PTAFR: variants seen among roughly 807,000 people sequenced by gnomAD.
The protein encoded by PTAFR is platelet-activating factor receptor.
Under a neutral mutation model 14.7 loss-of-function variants are expected in PTAFR, and 8 were observed. The ratio of observed to expected loss-of-function variants is 0.54; its 90% CI spans 0.32 to 0.98. The LOEUF is 0.98. Among genes scored for constraint, PTAFR ranks in the 50% least tolerant of loss-of-function variants. The pLI is 0.04. For synonymous variants in PTAFR, 156 were observed against 176.5 expected (o/e 0.88, Z 0.92); for missense variants, 337 against 451.2 (o/e 0.75, Z 2.29).
rs1416457647 is a variant in PTAFR at position 28,150,422 on chromosome 1, G to A, written c.600C>T (p.Leu200=). The A allele has an allele frequency of 1.2e-6, 2 of 1,613,892 alleles. No homozygotes were observed. Among genetic ancestry groups the A allele is most frequent in the African/African-American group, 1.3e-5 (1 of 74,944 alleles). ...TGACCAGGTTGCAGAAGAGGATGATGAGGAAGACCAGGAAGAAGCTGAACA... is the reference window on the plus strand; with the variant it reads ...TGACCAGGTTGCAGAAGAGGATGATAAGGAAGACCAGGAAGAAGCTGAACA... ...FIVFSFFLVF[L]IILFCNLVII... is the part of the protein sequence containing the mutation. Residue 200 remains leucine (L), a synonymous_variant, in exon 2 of 2, where the codon CTC becomes CTT. Coordinates refer to ENST00000373857, the MANE Select transcript of PTAFR (RefSeq NM_000952.5). The surrounding 1 kb of genome is among the most constrained non-coding windows in gnomAD (Gnocchi z 6.3).
At chr1:28,178,669 CCA>C (rs1310802202), upstream of PTAFR, among the ~76,000 whole-genome samples, 1 of 151,946 alleles carries the variant, frequency 6.6e-6, no homozygotes, top group Non-Finnish European at 1.5e-5. Context: ...CACACTCAGA[CCA>C]CATAACACTT....
At chr1:28,173,105 CAAAAAA>C (rs68034962) in intron 1 of PTAFR, among the ~76,000 whole-genome samples, 7 of 50,122 alleles carry the variant, frequency 1.4e-4, no homozygotes, top group African/African-American at 3.2e-4. Flanking sequence ...CCCGTTTCCA[CAAAAAA>C]AAAAAAAAAA....
intron 1 of PTAFR, among the ~76,000 whole-genome samples, chr1:28,192,207 ATAG>A (rs1334238406): frequency 2.6e-5 from 4 of 152,136 alleles, no homozygotes; most frequent in Non-Finnish European, 5.9e-5. Context: ...GCCTATTTCC[ATAG>A]TTGTAAAATG....
intron 1 of PTAFR, among the ~76,000 whole-genome samples, chr1:28,183,405 A>G (rs1646578100): frequency 6.6e-6 from 1 of 152,230 alleles, no homozygotes; most frequent in Non-Finnish European, 1.5e-5. Context: ...AGAATAAATT[A>G]AATATTATAA....
chr1:28,151,414 G>C lies in PTAFR; in HGVS notation c.-38-355C>G, dbSNP rs560029906. ...GCTGGTCTCAAACTCCCAACCTCAG[G>C]TGATCTGCCCACCTCGGCCTCCCAA... On this transcript the variant is annotated intron_variant, in intron 1 of 1. Coordinates refer to ENST00000373857, the MANE Select transcript of PTAFR (RefSeq NM_000952.5). 4.6e-5 allele frequency among the ~76,000 whole-genome samples: 7 copies of C among 152,224 alleles called. No individual in the cohort carries two copies. In the East Asian group the frequency reaches 1.2e-3, roughly 25 times the overall value.
upstream of PTAFR, chr1:28,176,734 A>G (rs1032309317): frequency 6.5e-6 from 1 of 152,892 alleles, no homozygotes; most frequent in Non-Finnish European, 1.5e-5. Flanking sequence ...CTGGGAGGAA[A>G]TGCTGTGGCC....
At chr1:28,178,830 C>T (rs1646540135), upstream of PTAFR, among the ~76,000 whole-genome samples, 1 of 152,080 alleles carries the variant, frequency 6.6e-6, no homozygotes, top group Non-Finnish European at 1.5e-5. Context: ...GTCCATACTG[C>T]TCCACACTCA....
At chr1:28,182,333 CA>C (rs1332819938) in intron 1 of PTAFR, among the ~76,000 whole-genome samples, 2 of 112,208 alleles carry the variant, frequency 1.8e-5, no homozygotes, top group Non-Finnish European at 3.6e-5. Flanking sequence ...GAGACTCTGT[CA>C]AAAAAAGAAA....
chr1:28,157,333 C>T (rs1441018638), intron 1 of PTAFR, among the ~76,000 whole-genome samples: 2 of 151,892 alleles, frequency 1.3e-5, no homozygotes, highest in African/African-American at 4.8e-5. Context: ...AGAGATGAGG[C>T]ATGCCCACCA....
At chr1:28,172,388 C>G (rs749843060) in intron 1 of PTAFR, among the ~76,000 whole-genome samples, 25 of 152,130 alleles carry the variant, frequency 1.6e-4, no homozygotes, top group Non-Finnish European at 2.9e-4. Flanking sequence ...CTGGTGTCCT[C>G]GTGGCCAGTC....
chr1:28,159,082 G>C (rs1290117268), intron 1 of PTAFR, among the ~76,000 whole-genome samples: 3 of 152,198 alleles, frequency 2.0e-5, no homozygotes, highest in African/African-American at 7.2e-5. Context: ...GTCTGGGCCA[G>C]ATGATTGAGG....
intron 1 of PTAFR, among the ~76,000 whole-genome samples, chr1:28,183,844 C>T (rs1030404240): frequency 6.6e-6 from 1 of 151,766 alleles, no homozygotes; most frequent in Non-Finnish European, 1.5e-5. Context: ...CCAAGATCAC[C>T]CCACTGCACT....
chr1:28,154,241 A>G (rs777526728), intron 1 of PTAFR, among the ~76,000 whole-genome samples: 1 of 152,146 alleles, frequency 6.6e-6, no homozygotes, highest in Non-Finnish European at 1.5e-5. Flanking sequence ...ATCCCATGCT[A>G]CAGAATAGGA....
At chr1:28,166,934 G>A (rs1646392287) in intron 1 of PTAFR, among the ~76,000 whole-genome samples, 1 of 152,088 alleles carries the variant, frequency 6.6e-6, no homozygotes, top group African/African-American at 2.4e-5. Context: ...CTATGATCAT[G>A]CCACTGTACT....
At chr1:28,167,828 G>A (rs1189462431) in intron 1 of PTAFR, among the ~76,000 whole-genome samples, 1 of 149,342 alleles carries the variant, frequency 6.7e-6, no homozygotes, top group Admixed American at 6.7e-5. Context: ...TAGTAGAGAC[G>A]AGGTTTCGCC....
intron 1 of PTAFR, among the ~76,000 whole-genome samples, chr1:28,166,489 T>C (rs1381085339): frequency 1.3e-5 from 2 of 152,056 alleles, no homozygotes; most frequent in African/African-American, 4.8e-5. Flanking sequence ...CTGGCCAACA[T>C]GGTGAAATCC....
chr1:28,163,274 C>A (rs1337064625), intron 1 of PTAFR, among the ~76,000 whole-genome samples: 2 of 152,180 alleles, frequency 1.3e-5, no homozygotes, highest in Non-Finnish European at 2.9e-5. Flanking sequence ...CTCAGTCTAG[C>A]ACCTGATACA....
upstream of PTAFR, among the ~76,000 whole-genome samples, chr1:28,181,058 G>C (rs190360357): frequency 3.9e-5 from 6 of 152,050 alleles, no homozygotes; most frequent in Non-Finnish European, 8.8e-5. Context: ...GTGTTGTCCA[G>C]GCTGATCTCA....
chr1:28,166,501 G>A (rs574120834), intron 1 of PTAFR, among the ~76,000 whole-genome samples: 15 of 151,942 alleles, frequency 9.9e-5, no homozygotes, highest in Middle Eastern at 3.2e-3. Flanking sequence ...GTGAAATCCC[G>A]TCTCTACAAA....
Sources: gnomAD v4.1 joint callset for allele counts (sites outside exome capture counted in the v4.1 genomes callset) on GRCh38, gnomAD v4.1.1 for gene constraint, Gnocchi (gnomAD v3.1) non-coding constraint, MANE v1.5 for transcripts, NCBI Gene and HGNC (gene_info 2026-07-23, HGNC 2026-07-21) for gene names.